STXBP2: variants seen among roughly 807,000 people sequenced by gnomAD.
STXBP2 encodes the protein syntaxin-binding protein 2.
A neutral mutation model predicts 72.2 loss-of-function variants in STXBP2; 47 were observed. The ratio of observed to expected loss-of-function variants is 0.65; its 90% CI spans 0.51 to 0.83. The LOEUF is 0.83. STXBP2 is among the 40% of genes least tolerant of loss of function. STXBP2 has a pLI of 0.00. For synonymous variants in STXBP2, 367 were observed against 338.7 expected, an observed-to-expected ratio of 1.08 and a Z score of -0.92; for missense variants, 702 against 807.6, an observed-to-expected ratio of 0.87 and a Z score of 1.58.
At chr19:7,637,389 T>TG (rs2031590029) in intron 1 of STXBP2, among the ~76,000 whole-genome samples, 1 of 151,514 alleles carries the variant, frequency 6.6e-6, no homozygotes, top group Non-Finnish European at 1.5e-5. Flanking sequence ...AGAACAAAAT[T>TG]GGGGGGCCGG....
chr19:7,630,176 G>T, the STXBP2 span: 1 of 468,190 alleles, frequency 2.1e-6, no homozygotes. Context: ...CTCGTGGTGG[G>T]TGGGTGTCTA....
Position 7,640,202 on chromosome 19 carries a change from GTGTA to G in STXBP2, c.246+403_246+406del, listed in dbSNP as rs746501397. ...TGTCTGTGTGCATGTGTGTATGCGT[GTGTA>G]TGTATGTGTCTGCGTCTGTGTGTGC... On this transcript the variant is annotated intron_variant, in intron 4 of 18. Transcript: ENST00000221283. The G allele has an allele frequency of 4.7e-4, 259 of 551,402 alleles. 2 individuals carry two copies. The highest frequency in any genetic ancestry group is 7.1e-4 in the South Asian group (46 of 65,032). 34.2% of individuals were successfully genotyped at this position (551,402 alleles called of 1,614,324 possible).
At chr19:7,644,955 T>C in intron 14 of STXBP2, 1 of 1,448,520 alleles carries the variant, frequency 6.9e-7, no homozygotes, top group Non-Finnish European at 9.1e-7. Context: ...CCTGCTAACG[T>C]AGAAACCCTC....
At chr19:7,645,026 AC>A (rs2032077159) in intron 14 of STXBP2, 170 bp from the exon 15 acceptor site, 3 of 1,455,220 alleles carry the variant, frequency 2.1e-6, no homozygotes, top group Non-Finnish European at 2.7e-6. Context: ...CCCCTGATCT[AC>A]CCCCTCCAGG....
chr19:7,640,190 G>T (rs1040075588), intron 4 of STXBP2: 2 of 555,934 alleles, frequency 3.6e-6, no homozygotes, highest in Non-Finnish European at 6.8e-6. Context: ...CTGTGTGCAT[G>T]TGTGTATGCG....
chr19:7,640,689 G>A (rs2031831855), intron 4 of STXBP2, 42 bp from the exon 5 acceptor site: 1 of 1,613,116 alleles, frequency 6.2e-7, no homozygotes, highest in Non-Finnish European at 8.5e-7. Flanking sequence ...AATGAGCCTA[G>A]GTGTGCAGGC....
chr19:7,640,399 T>C (rs1260680797), intron 4 of STXBP2: 3 of 588,730 alleles, frequency 5.1e-6, no homozygotes, highest in African/African-American at 2.2e-5. Context: ...TGCATGTGTG[T>C]ATATGTGTGT....
chr19:7,635,983 C>G (rs2031515580), upstream of STXBP2, among the ~76,000 whole-genome samples: 1 of 152,190 alleles, frequency 6.6e-6, no homozygotes, highest in South Asian at 2.1e-4. Context: ...GTGGCTGCTT[C>G]TAGAATCCAT....
chr19:7,644,186 C>CTTGGGTGAGGGGTGGAGCCTT (rs1568469471), intron 13 of STXBP2, among the ~76,000 whole-genome samples: 3 of 37,408 alleles, frequency 8.0e-5, no homozygotes, highest in African/African-American at 4.4e-4. Context: ...GGTGGAGCCT[C>CTTGGGTGAGGGGTGGAGCCTT]GGAGAGGTGG....
chr19:7,639,825 CGTGT>C lies in STXBP2; in HGVS notation c.246+23_246+26del, dbSNP rs771901697. 3.1e-6 allele frequency: 5 copies of C among 1,613,056 alleles called. No homozygotes were observed. The highest frequency in any genetic ancestry group is 4.2e-6 in the Non-Finnish European group (5 of 1,179,526). On this transcript the variant is annotated intron_variant, in intron 4 of 18. Coordinates refer to ENST00000221283, the MANE Select transcript of STXBP2 (RefSeq NM_006949.4). Reference sequence around the variant, plus strand: ...CGGAGAAGGTGCCTACATGAGTGAGCGTGTGTGTATGCGCGTGCATGCGTGTACA... The same window carrying C: ...CGGAGAAGGTGCCTACATGAGTGAGCGTGTATGCGCGTGCATGCGTGTACA...
rs2146209284 is a variant in STXBP2, at chr19:7,640,000, CTAT to C, written c.246+194_246+196del. ...TGTGTGTGCGTGTTTGCATGTGTGT[CTAT>C]GTATGTGTCTGTGTGCATGTGCATG... On this transcript the variant is annotated intron_variant, in intron 4 of 18. Transcript: ENST00000221283. 4.3e-6 allele frequency: 3 copies of C among 692,614 alleles called. No homozygotes were observed. In the East Asian group the frequency reaches 8.7e-5, roughly 20 times the overall value. The allele number at this position is 692,614 out of a possible 1,614,324, so 42.9% of individuals were successfully genotyped here.
chr19:7,630,462 G>C, the STXBP2 span: 1 of 835,504 alleles, frequency 1.2e-6, no homozygotes, highest in Non-Finnish European at 1.9e-6. Context: ...TCTTGGGTCG[G>C]CCGTAACGAG....
rs894498208 is a variant in STXBP2 at position 7,639,961 on chromosome 19, C to T, written c.246+154C>T. On this transcript the variant is annotated intron_variant, in intron 4 of 18. Transcript: ENST00000221283. ...GTGCATGTGTGTGCATGTGTGTGTG[C>T]ATCTGTGTATGCATGTGTGTGCGTG... 3.4e-5 allele frequency: 28 copies of T among 829,316 alleles called. No individual in the cohort carries two copies. In the African/African-American group the frequency reaches 4.9e-4, roughly 14 times the overall value. The allele number at this position is 829,316 out of a possible 1,614,324, so 51.4% of individuals were successfully genotyped here. A position where few individuals can be genotyped will look rare whatever the true frequency, so the allele number is the denominator to read the frequency against.
rs566567219 is a variant in STXBP2, at chr19:7,639,241, G to A, written c.169+141G>A. On this transcript the variant is annotated intron_variant, in intron 3 of 18. Coordinates refer to ENST00000221283, the MANE Select transcript of STXBP2 (RefSeq NM_006949.4). ...AAGTACGCAGCTCCCTGCACGGACAGCCCGGATCATGTGACCAAATCCATT... is the reference window on the plus strand; with the variant it reads ...AAGTACGCAGCTCCCTGCACGGACAACCCGGATCATGTGACCAAATCCATT... 6 of 911,762 alleles carry A rather than the reference G, an allele frequency of 6.6e-6. No individual in the cohort carries two copies. In the East Asian group the frequency reaches 1.6e-4, roughly 24 times the overall value. 56.5% of individuals were successfully genotyped at this position (911,762 alleles called of 1,614,324 possible).
chr19:7,637,938 T>A (rs2031623471), intron 1 of STXBP2, among the ~76,000 whole-genome samples: 1 of 152,238 alleles, frequency 6.6e-6, no homozygotes, highest in African/African-American at 2.4e-5. Flanking sequence ...GATTCCATTT[T>A]ACAGATGAGG....
At chr19:7,631,729 C>T in the STXBP2 span, 47 of 1,440,518 alleles carry the variant, frequency 3.3e-5, no homozygotes, top group African/African-American at 2.8e-4. Context: ...GCTGTTCCGA[C>T]GGAAGCCGAG....
At chr19:7,641,885 C>T (rs373626805) in intron 7 of STXBP2, 32 bp downstream of exon 7, 13 of 1,346,132 alleles carry the variant, frequency 9.7e-6, no homozygotes, top group East Asian at 8.4e-5. Context: ...ACCCCGATGC[C>T]GACCCCCCCT....
intron 4 of STXBP2, 97 bp from the exon 5 acceptor site, chr19:7,640,634 T>G (rs1329915355): frequency 6.6e-7 from 1 of 1,505,504 alleles, no homozygotes; most frequent in African/African-American, 1.4e-5. Context: ...CGTCCATGTT[T>G]GCACATGGTG....
upstream of STXBP2, among the ~76,000 whole-genome samples, chr19:7,635,202 G>C (rs2031479377): frequency 6.6e-6 from 1 of 152,178 alleles, no homozygotes; most frequent in Admixed American, 6.5e-5. Context: ...ATCCCCCCAG[G>C]ATCTGGAGGG....
Sources: allele counts gnomAD v4.1 joint callset (sites outside exome capture counted in the v4.1 genomes callset), GRCh38; gene constraint gnomAD v4.1.1; transcripts MANE v1.5; gene names NCBI Gene and HGNC (gene_info 2026-07-23, HGNC 2026-07-21).